EIF4A3: variants seen among roughly 807,000 people sequenced by gnomAD.
The protein encoded by EIF4A3 is eukaryotic translation initiation factor 4A3.
In EIF4A3, 1 loss-of-function variant was observed where a neutral mutation model predicts 55.6. That is an observed-to-expected ratio of 0.02 (90% CI 0.01 to 0.09). EIF4A3 has a LOEUF of 0.09. EIF4A3 is among the 10% of genes least tolerant of loss of function. The pLI is 1.00. For synonymous variants in EIF4A3, 194 were observed against 196.3 expected (o/e 0.99, Z 0.10); for missense variants, 221 against 540.7 (o/e 0.41, Z 5.86).
In EIF4A3 at chr17:80,135,526, CAG is replaced by C; in HGVS notation, c.1220-22_1220-21del. On this transcript the variant is annotated intron_variant, in intron 11 of 11. Coordinates refer to ENST00000649764, the MANE Select transcript of EIF4A3 (RefSeq NM_014740.4). ...CAGCAACTGAAAGTGAAGAAAGAAA[CAG>C]ATTAAGGAACAACACAAACAAAATG... 1 of 1,550,012 alleles carries C rather than the reference CAG, an allele frequency of 6.5e-7. No homozygotes were observed. Among genetic ancestry groups the C allele is most frequent in the East Asian group, 2.4e-5 (1 of 41,560 alleles).
intron 7 of EIF4A3, chr17:80,138,755 C>A: frequency 2.3e-6 from 1 of 432,324 alleles, no homozygotes; most frequent in Non-Finnish European, 4.2e-6. Context: ...TGCCGCCCTA[C>A]CTGGCTAATT....
chr17:80,143,071 T>G (rs1290916349), intron 2 of EIF4A3, among the ~76,000 whole-genome samples: 1 of 152,072 alleles, frequency 6.6e-6, no homozygotes, highest in Non-Finnish European at 1.5e-5. Context: ...TAAAAAGCAT[T>G]ATGGTATTAT....
At position 80,141,348 on chromosome 17, in the gene EIF4A3, T is replaced by C; in HGVS notation, c.343A>G (p.Thr115Ala). The C allele has an allele frequency of 6.2e-7, 1 of 1,613,902 alleles. No homozygotes were observed. Among genetic ancestry groups the C allele is most frequent in the Non-Finnish European group, 8.5e-7 (1 of 1,179,804 alleles). ...RETQALILAP[T>A]RELAVQIQKG... Reference sequence around the variant, plus strand: ...TGGATCTGCACAGCCAACTCTCTTGTGGGAGCCAAGATCAAAGCTTGAGTT... The same window carrying C: ...TGGATCTGCACAGCCAACTCTCTTGCGGGAGCCAAGATCAAAGCTTGAGTT... The change falls in exon 4 of 12, where the codon ACA (threonine) becomes GCA (alanine). Residue 115 changes from threonine to alanine, a missense_variant. This residue lies in a region of EIF4A3 where 85 missense variants were observed against 205.8 expected (regional missense o/e 0.41). Transcript: ENST00000649764.
Position 80,135,612 on chromosome 17 carries a change from C to A in EIF4A3, c.1220-106G>T, listed in dbSNP as rs904962848. On this transcript the variant is annotated intron_variant, in intron 11 of 11. Transcript: ENST00000649764. ...ACAACAGACTTCTCAAAACAAAAAA[C>A]AGGCCAGACATAGTGGCTCACGCCT... is the stretch of plus-strand genomic sequence containing the variant. 11 of 1,027,212 alleles carry A rather than the reference C, an allele frequency of 1.1e-5. No homozygotes were observed. In the Admixed American group the frequency reaches 2.5e-4, roughly 24 times the overall value. 63.6% of individuals were successfully genotyped at this position (1,027,212 alleles called of 1,614,324 possible).
Position 80,146,811 on chromosome 17 carries a change from G to A in EIF4A3, c.151C>T (p.Arg51Trp). 6.2e-7 allele frequency: 1 copy of A among 1,609,278 alleles called. No homozygotes were observed. The highest frequency in any genetic ancestry group is 8.5e-7 in the Non-Finnish European group (1 of 1,178,832). The change falls in exon 1 of 12, where the codon CGG becomes TGG. Residue 51 changes from arginine to tryptophan, a missense_variant. Physicochemically the swap from Arg to Trp is moderately radical, Grantham distance 101. Coordinates refer to ENST00000649764, the MANE Select transcript of EIF4A3 (RefSeq NM_014740.4). ...DTMGLREDLL[R>W]GIYAYGFEKP... ...CGCTCACCGTAAGCGTAGATGCCCC[G>A]CAGCAGGTCCTCCCGCAGGCCCATG...
At position 80,136,446 on chromosome 17, in the gene EIF4A3, G is replaced by C. The variant is rs145240343; in HGVS notation, c.984-111C>G. ...TCCTGGCTGCAGGTCCAAAATATAC[G>C]AGATTCTCCTCTCTCAACAGTCTGT... On this transcript the variant is annotated intron_variant, in intron 9 of 11. Coordinates refer to ENST00000649764, the MANE Select transcript of EIF4A3 (RefSeq NM_014740.4). The C allele has an allele frequency of 1.1e-4, 84 of 786,230 alleles. No homozygotes were observed. The African/African-American group carries it at 1.3e-3, about 13-fold the overall frequency. 48.7% of individuals were successfully genotyped at this position (786,230 alleles called of 1,614,324 possible).
Position 80,138,091 on chromosome 17 carries a change from C to T in EIF4A3, c.867+51G>A, listed in dbSNP as rs938383862. ...AATCTTGATTTATGTCATTCAGAGA[C>T]TCAATCTGCAGTTTCCCTTCAGCAC... is the stretch of plus-strand genomic sequence containing the variant. On this transcript the variant is annotated intron_variant, in intron 8 of 11. Transcript: ENST00000649764. 4.4e-6 allele frequency: 7 copies of T among 1,585,046 alleles called. No homozygotes were observed. The African/African-American group carries it at 9.5e-5, about 21-fold the overall frequency.
At chr17:80,145,888 C>G (rs2039654832) in intron 1 of EIF4A3, among the ~76,000 whole-genome samples, 1 of 152,186 alleles carries the variant, frequency 6.6e-6, no homozygotes, top group Non-Finnish European at 1.5e-5. Context: ...GGTACTCCAT[C>G]TCCAAGGCAG....
chr17:80,146,159 C>T (rs2039660972), intron 1 of EIF4A3, among the ~76,000 whole-genome samples: 1 of 152,228 alleles, frequency 6.6e-6, no homozygotes, highest in Admixed American at 6.5e-5. Context: ...CAGGGGACTT[C>T]TTTCAGTTCC....
rs1447113125 is a variant in EIF4A3 at position 80,147,089 on chromosome 17, G to A, written c.-128C>T. 2 of 1,328,680 alleles carry A rather than the reference G, an allele frequency of 1.5e-6. No individual in the cohort carries two copies. Among genetic ancestry groups the A allele is most frequent in the Admixed American group, 3.7e-5 (1 of 27,264 alleles). The allele number at this position is 1,328,680 out of a possible 1,614,324, so 82.3% of individuals were successfully genotyped here. ...GCTGTGCCGCTGCCGACCTCGCTGT[G>A]CCGCTGCCGACCTCGCTGTGCCGCT... is the stretch of plus-strand genomic sequence containing the variant. On this transcript the variant is annotated 5_prime_UTR_variant, in exon 1 of 12. Transcript: ENST00000649764.
intron 11 of EIF4A3, 94 bp from the exon 12 acceptor site, chr17:80,135,600 C>G: frequency 8.3e-7 from 1 of 1,198,556 alleles, no homozygotes; most frequent in South Asian, 1.4e-5. Context: ...ACAGACTTCT[C>G]AAAACAAAAA....
rs200424645 is a variant in EIF4A3 at position 80,139,037 on chromosome 17, G to A, written c.712C>T (p.Arg238Cys). Residue 238 changes from arginine to cysteine, a missense_variant, in exon 7 of 12, where the codon CGC becomes TGC. Around this residue, in one of 4 missense-constraint regions of EIF4A3, gnomAD observed 93 missense variants for 278.5 expected, o/e 0.33. Coordinates refer to ENST00000649764, the MANE Select transcript of EIF4A3 (RefSeq NM_014740.4). ...GGCTCCTACCGTTTCACCAAGATGC[G>A]GATTGGGTCGGTCATGAACTTGTTG... ...MTNKFMTDPI[R>C]ILVKRDELTL... The A allele has an allele frequency of 1.4e-5, 23 of 1,613,796 alleles. No homozygotes were observed. The highest frequency in any genetic ancestry group is 1.1e-4 in the South Asian group (10 of 91,036).
At chr17:80,137,313 G>C (rs2039578987) in intron 9 of EIF4A3, 73 bp downstream of exon 9, 2 of 1,337,116 alleles carry the variant, frequency 1.5e-6, no homozygotes, top group African/African-American at 2.9e-5. Context: ...CCTGCACTTA[G>C]GCGGTACATA....
At chr17:80,143,653 C>A (rs1326181286) in intron 2 of EIF4A3, among the ~76,000 whole-genome samples, 1 of 152,150 alleles carries the variant, frequency 6.6e-6, no homozygotes, top group Admixed American at 6.5e-5. Flanking sequence ...ATTCCACATG[C>A]CAGCAAACCA....
intron 9 of EIF4A3, 190 bp from the exon 10 acceptor site, chr17:80,136,525 G>T (rs902972614): frequency 4.7e-5 from 27 of 576,684 alleles, no homozygotes; most frequent in Non-Finnish European, 6.7e-5. Flanking sequence ...CAGAGGGGCT[G>T]TTGGTGGATT....
intron 1 of EIF4A3, among the ~76,000 whole-genome samples, chr17:80,144,701 T>C (rs1438901563): frequency 6.6e-6 from 1 of 151,960 alleles, no homozygotes; most frequent in Non-Finnish European, 1.5e-5. Flanking sequence ...AACAGGAAAG[T>C]CACTCTAGCC....
rs1310205092 is a variant in EIF4A3 at position 80,135,085 on chromosome 17, G to C, written c.*405C>G. 6.3e-6 allele frequency: 1 copy of C among 157,538 alleles called. No individual in the cohort carries two copies. 9.8% of individuals were successfully genotyped at this position (157,538 alleles called of 1,614,324 possible). On this transcript the variant is annotated 3_prime_UTR_variant, in exon 12 of 12. Transcript: ENST00000649764. Reference sequence around the variant, plus strand: ...GAGAATGGCATGAACCCAGGAAGTGGAGCTTGCGGTGAGAGGAGATCACGC... The same window carrying C: ...GAGAATGGCATGAACCCAGGAAGTGCAGCTTGCGGTGAGAGGAGATCACGC...
At chr17:80,138,028 A>T in intron 8 of EIF4A3, 114 bp downstream of exon 8, 1 of 1,383,234 alleles carries the variant, frequency 7.2e-7, no homozygotes. Context: ...ACATACCCTG[A>T]AAGCTTAAAA....
chr17:80,143,836 C>CTA (rs2039637709), intron 2 of EIF4A3, among the ~76,000 whole-genome samples: 1 of 151,932 alleles, frequency 6.6e-6, no homozygotes, highest in Non-Finnish European at 1.5e-5. Context: ...GAAAATTAGT[C>CTA]GGGCATGGTG....
Sources: gnomAD v4.1 joint callset for allele counts (sites outside exome capture counted in the v4.1 genomes callset) on GRCh38, gnomAD v4.1.1 for gene constraint, gnomAD v4.1.1 regional missense constraint, MANE v1.5 for transcripts, NCBI Gene and HGNC (gene_info 2026-07-23, HGNC 2026-07-21) for gene names.